The following FMN1 variants were observed in gnomAD, a reference collection of about 807,000 sequenced individuals.
FMN1 encodes formin-1.
Under a neutral mutation model 132.4 loss-of-function variants are expected in FMN1, and 110 were observed. That is an observed-to-expected ratio of 0.83 (90% CI 0.71 to 0.97). The LOEUF is 0.97. Among genes scored for constraint, FMN1 ranks in the 50% least tolerant of loss-of-function variants. The probability of loss-of-function intolerance (pLI) is 0.00; values close to 1 mark genes in which losing one functional copy is unlikely to be tolerated. For missense variants in FMN1, 1,792 were observed against 1,705.3 expected, an observed-to-expected ratio of 1.05 and a Z score of -0.90; for synonymous variants, 722 against 651.7, an observed-to-expected ratio of 1.11 and a Z score of -1.64.
chr15:32,840,311 C>T (rs2058718400), intron 17 of FMN1, among the ~76,000 whole-genome samples: 1 of 152,114 alleles, frequency 6.6e-6, no homozygotes, highest in South Asian at 2.1e-4. Context: ...GGAGTGAGGA[C>T]TAAGTCACTT....
chr15:33,084,126 G>T (rs1289205356), intron 5 of FMN1, among the ~76,000 whole-genome samples: 1 of 152,164 alleles, frequency 6.6e-6, no homozygotes, highest in Non-Finnish European at 1.5e-5. Context: ...GGTATATTCA[G>T]TCAAGCAGCC....
chr15:33,037,323 AT>A, intron 6 of FMN1, among the ~76,000 whole-genome samples: 1 of 152,224 alleles, frequency 6.6e-6, no homozygotes, highest in Middle Eastern at 3.4e-3. Context: ...ATTCCTTCAA[AT>A]ACTCTACAGC....
intron 18 of FMN1, among the ~76,000 whole-genome samples, chr15:32,804,019 C>A (rs1385829283): frequency 1.3e-5 from 2 of 152,100 alleles, no homozygotes; most frequent in African/African-American, 4.8e-5. Flanking sequence ...GTCAGTCACA[C>A]AAGGACAAAT....
chr15:32,871,311 T>C (rs2059510396), intron 16 of FMN1, among the ~76,000 whole-genome samples: 2 of 152,340 alleles, frequency 1.3e-5, no homozygotes, highest in Middle Eastern at 6.8e-3. Flanking sequence ...GGCCTCGGTA[T>C]CGCGCTCCTT....
intron 6 of FMN1, among the ~76,000 whole-genome samples, chr15:33,049,865 T>C (rs2036885904): frequency 6.6e-6 from 1 of 152,258 alleles, no homozygotes; most frequent in African/African-American, 2.4e-5. Flanking sequence ...TTCCACCACA[T>C]GGCTGCACTG....
intron 3 of FMN1, among the ~76,000 whole-genome samples, chr15:33,169,053 T>A (rs1213845340): frequency 2.0e-5 from 3 of 152,226 alleles, no homozygotes; most frequent in Non-Finnish European, 4.4e-5. Context: ...CAGTTGGAGA[T>A]GTCACGATAG....
chr15:33,181,840 C>G (rs11630258), intron 2 of FMN1, among the ~76,000 whole-genome samples: 1 of 151,424 alleles, frequency 6.6e-6, no homozygotes, highest in Non-Finnish European at 1.5e-5. Context: ...TCCTGAGTAG[C>G]TGGGATTACA....
chr15:33,115,231 T>A (rs577802272), intron 4 of FMN1, among the ~76,000 whole-genome samples: 2 of 152,236 alleles, frequency 1.3e-5, no homozygotes, highest in South Asian at 4.1e-4. Flanking sequence ...AAGAGCAGAG[T>A]TGCCTAAGGC....
At chr15:32,869,786 A>G (rs974353592) in intron 16 of FMN1, among the ~76,000 whole-genome samples, 1 of 152,184 alleles carries the variant, frequency 6.6e-6, no homozygotes, top group African/African-American at 2.4e-5. Flanking sequence ...AATTGCAGGA[A>G]AGAAAGAGCA....
chr15:33,120,642 C>T (rs1434600881), intron 4 of FMN1, among the ~76,000 whole-genome samples: 1 of 151,862 alleles, frequency 6.6e-6, no homozygotes. Context: ...TTTTCGTGTT[C>T]TGGTATTCCT....
chr15:32,823,168 T>TGTTTTG lies in FMN1; in HGVS notation c.3929-18837_3929-18836insCAAAAC, dbSNP rs771579816. Among the ~76,000 whole-genome samples the TGTTTTG allele has an allele frequency of 3.0e-5, 3 of 99,150 alleles. 1 individual carries two copies. Among genetic ancestry groups the TGTTTTG allele is most frequent in the Admixed American group, 1.0e-4 (1 of 9,546 alleles). 65.0% of individuals were successfully genotyped at this position (99,150 alleles called of 152,430 possible). ...GTTTCTACTGTTTTTTTTTTTTTTT[T>TGTTTTG]TTTTTTTTTTTGAGACAGAGTCTTG... On this transcript the variant is annotated intron_variant, in intron 17 of 20. Coordinates refer to ENST00000616417, the MANE Select transcript of FMN1 (RefSeq NM_001277313.2).
In FMN1 at chr15:33,001,573, C is replaced by CA. The variant is rs1179335129; in HGVS notation, c.2223+6440_2223+6441insT. Among the ~76,000 whole-genome samples, 686 of 130,606 alleles carry CA rather than the reference C, an allele frequency of 5.3e-3. 7 individuals carry two copies. The highest frequency in any genetic ancestry group is 8.7e-3 in the Non-Finnish European group (532 of 61,154). 85.7% of individuals were successfully genotyped at this position (130,606 alleles called of 152,430 possible). On this transcript the variant is annotated intron_variant, in intron 7 of 20. Coordinates refer to ENST00000616417, the MANE Select transcript of FMN1 (RefSeq NM_001277313.2). Reference sequence around the variant, plus strand: ...CCTCCTCCTCCTCCCACTTCCCCCCCCACCTCCCCCCATCCTCCTCCTCCT... The same window carrying CA: ...CCTCCTCCTCCTCCCACTTCCCCCCCACACCTCCCCCCATCCTCCTCCTCCT...
rs191862751 is a variant in FMN1, at chr15:33,027,065, A to T, written c.2162-18990T>A. Among the ~76,000 whole-genome samples the T allele has an allele frequency of 8.1e-4, 123 of 152,156 alleles. 1 individual carries two copies. The highest frequency in any genetic ancestry group is 2.8e-3 in the African/African-American group (116 of 41,454). On this transcript the variant is annotated intron_variant, in intron 6 of 20. Transcript: ENST00000616417. ...CTAACACTAAAGACAAGAAAGCCTA[A>T]CAGACATATTTTTTTTTTAATGCAA...
At chr15:32,850,983 G>A (rs540649640) in intron 17 of FMN1, among the ~76,000 whole-genome samples, 1 of 151,940 alleles carries the variant, frequency 6.6e-6, no homozygotes, top group Non-Finnish European at 1.5e-5. Flanking sequence ...GCGTGAACCC[G>A]GGAGGCAGAG....
intron 3 of FMN1, among the ~76,000 whole-genome samples, chr15:33,156,243 A>G (rs72723411): frequency 0.19 from 28,495 of 147,562 alleles, 3,317 homozygotes; most frequent in Middle Eastern, 0.29. Context: ...CTCTTTCACA[A>G]TTGTATATGG....
At chr15:32,970,456 C>G (rs1206470281) in intron 7 of FMN1, among the ~76,000 whole-genome samples, 3 of 152,158 alleles carry the variant, frequency 2.0e-5, no homozygotes, top group Non-Finnish European at 4.4e-5. Context: ...CTATCTGTAT[C>G]CCAGCAGGTA....
At chr15:32,893,080 T>C (rs1391833032) in intron 15 of FMN1, among the ~76,000 whole-genome samples, 1 of 152,242 alleles carries the variant, frequency 6.6e-6, no homozygotes, top group African/African-American at 2.4e-5. Context: ...TCTTGTAGTT[T>C]CAGGAATCCT....
At chr15:33,048,645 A>AAAAAAAAAAAAAAAAAAAC (rs1566865413) in intron 6 of FMN1, among the ~76,000 whole-genome samples, 2 of 83,126 alleles carry the variant, frequency 2.4e-5, no homozygotes, top group Admixed American at 1.1e-4. Context: ...AAAAAAAAAA[A>AAAAAAAAAAAAAAAAAAAC]AAAACCAACA....
Position 33,065,078 on chromosome 15 carries a change from T to C in FMN1, c.2044-4A>G. ...GCTCAGTCAGGCTGTGGTCAGGCTG[T>C]TGAAAGAGCAGGCAAATAGTAAGTG... On this transcript the variant is annotated splice_region_variant and splice_polypyrimidine_tract_variant and intron_variant, in intron 5 of 20. Coordinates refer to ENST00000616417, the MANE Select transcript of FMN1 (RefSeq NM_001277313.2). 1.3e-6 allele frequency: 2 copies of C among 1,597,748 alleles called. No homozygotes were observed. The highest frequency in any genetic ancestry group is 1.3e-5 in the African/African-American group (1 of 74,512).
Sources: allele counts gnomAD v4.1 joint callset (sites outside exome capture counted in the v4.1 genomes callset), GRCh38; gene constraint gnomAD v4.1.1; transcripts MANE v1.5; gene names NCBI Gene and HGNC (gene_info 2026-07-23, HGNC 2026-07-21).